The following ANXA6 variants were observed in gnomAD, a reference collection of about 807,000 sequenced individuals.
ANXA6 encodes annexin A6.
Under a neutral mutation model 95.4 loss-of-function variants are expected in ANXA6, and 71 were observed. The ratio of observed to expected loss-of-function variants is 0.74; its 90% CI spans 0.61 to 0.91. ANXA6 has a LOEUF of 0.91. Ranked by LOEUF, ANXA6 falls within the 40% of genes least tolerant of loss-of-function variation. ANXA6 has a pLI of 0.00. For missense variants in ANXA6, 830 were observed against 876.4 expected (o/e 0.95, Z 0.67); for synonymous variants, 289 against 315.9 (o/e 0.91, Z 0.90).
intron 22 of ANXA6, among the ~76,000 whole-genome samples, 159 bp downstream of exon 22, chr5:151,109,594 C>T (rs559105964): frequency 9.0e-4 from 137 of 152,268 alleles, no homozygotes; most frequent in African/African-American, 3.1e-3. Context: ...AGGACTAGAA[C>T]CCAGGGCTCC....
At chr5:151,126,237 C>T (rs1191331938) in intron 14 of ANXA6, among the ~76,000 whole-genome samples, 165 bp downstream of exon 14, 3 of 152,176 alleles carry the variant, frequency 2.0e-5, no homozygotes, top group African/African-American at 4.8e-5. Context: ...AGGTGCGCCC[C>T]TCCACCAGTT....
intron 23 of ANXA6, among the ~76,000 whole-genome samples, chr5:151,105,707 T>C (rs1178011576): frequency 1.3e-5 from 2 of 152,154 alleles, no homozygotes; most frequent in Non-Finnish European, 2.9e-5. Context: ...TTTTGAGCAG[T>C]GGTTCTCAAA....
chr5:151,146,651 G>A (rs1254381572), intron 2 of ANXA6, among the ~76,000 whole-genome samples: 6 of 152,166 alleles, frequency 3.9e-5, no homozygotes, highest in Non-Finnish European at 7.3e-5. Context: ...TGGAGTAAGG[G>A]ACAACGGGGC....
At chr5:151,115,232 T>G (rs1764964660) in intron 20 of ANXA6, among the ~76,000 whole-genome samples, 1 of 152,222 alleles carries the variant, frequency 6.6e-6, no homozygotes, top group Non-Finnish European at 1.5e-5. Context: ...ACTAGAATAA[T>G]GTATGCCACA....
chr5:151,137,090 T>C (rs942658655), intron 6 of ANXA6, 141 bp downstream of exon 6: 1 of 745,400 alleles, frequency 1.3e-6, no homozygotes. Flanking sequence ...CAAGTACTTA[T>C]TGGGTAGATA....
At chr5:151,134,750 G>T (rs1455104730) in intron 7 of ANXA6, among the ~76,000 whole-genome samples, 2 of 152,164 alleles carry the variant, frequency 1.3e-5, no homozygotes, top group East Asian at 1.9e-4. Flanking sequence ...GGTGTCCCCA[G>T]CCCAGAGGTA....
At chr5:151,144,853 T>C (rs1416325066) in intron 2 of ANXA6, among the ~76,000 whole-genome samples, 1 of 151,920 alleles carries the variant, frequency 6.6e-6, no homozygotes, top group Non-Finnish European at 1.5e-5. Context: ...CACAGGATCA[T>C]AGCCACTAGA....
chr5:151,126,760 A>ACAGT (rs1220614747), intron 13 of ANXA6, among the ~76,000 whole-genome samples: 12 of 152,094 alleles, frequency 7.9e-5, no homozygotes, highest in Admixed American at 1.3e-4. Context: ...CTTGTCACCC[A>ACAGT]GGCTGGGGTG....
intron 2 of ANXA6, among the ~76,000 whole-genome samples, chr5:151,146,139 C>A (rs1468916408): frequency 1.3e-5 from 2 of 152,234 alleles, no homozygotes; most frequent in African/African-American, 4.8e-5. Context: ...ATCAGCCAGG[C>A]AGAAGGCATG....
rs752968868 is a variant in ANXA6, at chr5:151,101,412, C to T, written c.*36G>A. On this transcript the variant is annotated 3_prime_UTR_variant, in exon 26 of 26. Coordinates refer to ENST00000354546, the MANE Select transcript of ANXA6 (RefSeq NM_001155.5). ...GGCCATGGCGGCTGGTGCTGATAAC[C>T]ATTTCTTGGCAGAAGTGCCCGCCAA... 8 of 1,544,750 alleles carry T rather than the reference C, an allele frequency of 5.2e-6. No homozygotes were observed. The African/African-American group carries it at 1.1e-4, about 21-fold the overall frequency.
intron 18 of ANXA6, among the ~76,000 whole-genome samples, chr5:151,118,972 C>G (rs1019265630): frequency 6.6e-6 from 1 of 152,180 alleles, no homozygotes; most frequent in African/African-American, 2.4e-5. Flanking sequence ...TAGCTTGCAA[C>G]CAAGTGTGGG....
chr5:151,107,811 C>T (rs992455534), intron 23 of ANXA6, among the ~76,000 whole-genome samples: 1 of 152,214 alleles, frequency 6.6e-6, no homozygotes, highest in Non-Finnish European at 1.5e-5. Context: ...ATTATATAAG[C>T]GTAACCAAAA....
intron 2 of ANXA6, chr5:151,141,594 C>T (rs572017182): frequency 1.1e-5 from 11 of 985,520 alleles, no homozygotes; most frequent in African/African-American, 7.0e-5. Flanking sequence ...TCCCCGTCTC[C>T]GTGCCTCCCA....
chr5:151,153,981 G>T (rs1467596855), intron 1 of ANXA6, among the ~76,000 whole-genome samples: 1 of 152,052 alleles, frequency 6.6e-6, no homozygotes, highest in Non-Finnish European at 1.5e-5. Context: ...ATGGTTGGGG[G>T]TAAAATGCAC....
intron 1 of ANXA6, among the ~76,000 whole-genome samples, chr5:151,157,137 G>T (rs1471993894): frequency 1.3e-5 from 2 of 152,132 alleles, no homozygotes; most frequent in Admixed American, 1.3e-4. Flanking sequence ...AGGGGATGGG[G>T]TCCAATGAGG....
intron 10 of ANXA6, among the ~76,000 whole-genome samples, chr5:151,131,680 C>T (rs781061436): frequency 3.3e-5 from 5 of 152,048 alleles, no homozygotes; most frequent in East Asian, 1.9e-4. Context: ...ACTGAATCAC[C>T]GTGAGTCCCA....
At chr5:151,154,612 A>G (rs1240619218) in intron 1 of ANXA6, among the ~76,000 whole-genome samples, 1 of 152,076 alleles carries the variant, frequency 6.6e-6, no homozygotes, top group African/African-American at 2.4e-5. Flanking sequence ...ATAACCCTCC[A>G]GGAGCCTTGA....
At chr5:151,137,007 T>C (rs1246225202) in intron 6 of ANXA6, among the ~76,000 whole-genome samples, 1 of 152,204 alleles carries the variant, frequency 6.6e-6, no homozygotes, top group Non-Finnish European at 1.5e-5. Flanking sequence ...ATTATCTCAT[T>C]ATCTCATTGG....
At chr5:151,150,603 C>G (rs919952319) in intron 1 of ANXA6, among the ~76,000 whole-genome samples, 1 of 152,210 alleles carries the variant, frequency 6.6e-6, no homozygotes, top group African/African-American at 2.4e-5. Context: ...GATCTGCCTG[C>G]AAATGCAGCT....
Sources: gnomAD v4.1 joint callset for allele counts (sites outside exome capture counted in the v4.1 genomes callset) on GRCh38, gnomAD v4.1.1 for gene constraint, MANE v1.5 for transcripts, NCBI Gene and HGNC (gene_info 2026-07-23, HGNC 2026-07-21) for gene names.